Variants in ZNF829 observed in about 807,000 individuals in gnomAD.
The protein encoded by ZNF829 is zinc finger protein 829.
ZNF829 carries 25 observed loss-of-function variants against 35.2 expected under a neutral mutation model. The ratio of observed to expected loss-of-function variants is 0.71; its 90% confidence interval spans 0.52 to 0.99. The LOEUF (loss-of-function observed/expected upper bound fraction) is 0.99, where lower values mean the gene tolerates loss of function less well. ZNF829 is among the 50% of genes least tolerant of loss of function. The pLI, the probability that ZNF829 is intolerant of heterozygous loss-of-function variation, is 0.00. For synonymous variants in ZNF829, 136 were observed against 163.2 expected, an observed-to-expected ratio of 0.83 and a Z score of 1.27; for missense variants, 417 against 515.3, an observed-to-expected ratio of 0.81 and a Z score of 1.85.
chr19:36,891,831 A>G lies in ZNF829; in HGVS notation c.960T>C (p.Gly320=), dbSNP rs1961331480. Residue 320 remains glycine, a synonymous_variant, in exon 6 of 6, where the codon GGT becomes GGC. Transcript: ENST00000391711. ...RLIQHQRMHT[G]EKPYECKQCG... is the part of the protein sequence containing the mutation. ...ACTGCTTACATTCATAAGGTTTCTCACCAGTATGCATTCTCTGATGCTGAA... is the reference window on the plus strand; with the variant it reads ...ACTGCTTACATTCATAAGGTTTCTCGCCAGTATGCATTCTCTGATGCTGAA... 6.2e-7 allele frequency: 1 copy of G among 1,614,130 alleles called. No homozygotes were observed. The highest frequency in any genetic ancestry group is 8.5e-7 in the Non-Finnish European group (1 of 1,180,002).
intron 5 of ZNF829, chr19:36,902,083 C>A (rs1568369959): frequency 6.2e-5 from 25 of 405,880 alleles, no homozygotes; most frequent in Non-Finnish European, 8.7e-5. Flanking sequence ...TTACCACTTT[C>A]AAAAATCTAC....
Position 36,908,463 on chromosome 19 carries a change from A to T in ZNF829, c.97-4T>A. 1.9e-6 allele frequency: 3 copies of T among 1,590,880 alleles called. No homozygotes were observed. The highest frequency in any genetic ancestry group is 1.7e-4 in the Middle Eastern group (1 of 5,926). ...CATCCCTGAACATCACCGGCCCCTGAAACAACAAACATGCTTTCACAATGA... is the reference window on the plus strand; with the variant it reads ...CATCCCTGAACATCACCGGCCCCTGTAACAACAAACATGCTTTCACAATGA... On this transcript the variant is annotated splice_region_variant and splice_polypyrimidine_tract_variant and intron_variant, in intron 3 of 5. Coordinates refer to ENST00000391711, the MANE Select transcript of ZNF829 (RefSeq NM_001037232.4).
intron 5 of ZNF829, among the ~76,000 whole-genome samples, chr19:36,902,311 T>C (rs1477969848): frequency 2.0e-5 from 3 of 152,188 alleles, no homozygotes; most frequent in African/African-American, 7.2e-5. Flanking sequence ...TTCCTCCTGA[T>C]TTTATCAGTG....
At chr19:36,905,584 C>G (rs982124636) in intron 5 of ZNF829, 2 of 151,984 alleles carry the variant, frequency 1.3e-5, no homozygotes, top group African/African-American at 4.8e-5. Flanking sequence ...ATTACAGGTG[C>G]CCGCCACCAC....
chr19:36,891,808 T>G lies in ZNF829; in HGVS notation c.983A>C (p.Gln328Pro), dbSNP rs1381052653. The change falls in exon 6 of 6, where the codon CAG becomes CCG. Residue 328 changes from glutamine (Q) to proline (P), a missense_variant. Physicochemically the swap from Gln to Pro is moderately conservative, Grantham distance 76. Coordinates refer to ENST00000391711, the MANE Select transcript of ZNF829 (RefSeq NM_001037232.4). The part of the protein sequence containing the change: ...HTGEKPYECK[Q>P]CGKAFNSAST... Reference sequence around the variant, plus strand: ...GGCACTATTAAAGGCCTTCCCACACTGCTTACATTCATAAGGTTTCTCACC... The same window carrying G: ...GGCACTATTAAAGGCCTTCCCACACGGCTTACATTCATAAGGTTTCTCACC... 7 of 1,614,208 alleles carry G rather than the reference T, an allele frequency of 4.3e-6. No homozygotes were observed. The highest frequency in any genetic ancestry group is 5.9e-6 in the Non-Finnish European group (7 of 1,180,034).
At chr19:36,911,991 A>G (rs186029066) in intron 3 of ZNF829, among the ~76,000 whole-genome samples, 21 of 151,416 alleles carry the variant, frequency 1.4e-4, no homozygotes, top group Admixed American at 5.3e-4. Context: ...AGTGTTGAAC[A>G]TCCATCAAGG....
At chr19:36,907,884 A>G (rs750340020) in intron 5 of ZNF829, 45 bp downstream of exon 5, 11 of 1,516,632 alleles carry the variant, frequency 7.3e-6, no homozygotes, top group Admixed American at 5.3e-5. Flanking sequence ...TCTCAGAAGT[A>G]TATCTCTTTA....
chr19:36,902,319 G>A (rs2073174600), intron 5 of ZNF829, among the ~76,000 whole-genome samples: 1 of 152,138 alleles, frequency 6.6e-6, no homozygotes, highest in Non-Finnish European at 1.5e-5. Context: ...GATTTTATCA[G>A]TGCAAAATGT....
intron 5 of ZNF829, among the ~76,000 whole-genome samples, chr19:36,900,846 A>AG (rs1392567872): frequency 7.6e-6 from 1 of 130,946 alleles, no homozygotes; most frequent in Non-Finnish European, 1.7e-5. Context: ...AGACTGTCTC[A>AG]GAAAAAAAAA....
rs966674991 is a variant in ZNF829, at chr19:36,889,323, G to A, written c.*2169C>T. ...TACTGGCTTTGTAGAATGAGTTAGG[G>A]AGGATTCCCTCCTATAATTTTTGGA... On this transcript the variant is annotated 3_prime_UTR_variant, in exon 6 of 6. Transcript: ENST00000391711. 2 of 152,148 alleles carry A rather than the reference G, an allele frequency of 1.3e-5. No homozygotes were observed. Among genetic ancestry groups the A allele is most frequent in the African/African-American group, 4.8e-5 (2 of 41,432 alleles). 9.4% of individuals were successfully genotyped at this position (152,148 alleles called of 1,614,324 possible). A position where few individuals can be genotyped will look rare whatever the true frequency, so the allele number is the denominator to read the frequency against.
At chr19:36,908,529 G>C (rs2073238125) in intron 3 of ZNF829, 70 bp from the exon 4 acceptor site, 2 of 1,522,860 alleles carry the variant, frequency 1.3e-6, no homozygotes, top group African/African-American at 1.4e-5. Context: ...TGGCAAGAAA[G>C]GACAGAGTAA....
chr19:36,909,819 A>G (rs895372141), intron 3 of ZNF829, among the ~76,000 whole-genome samples: 3 of 147,552 alleles, frequency 2.0e-5, no homozygotes, highest in South Asian at 2.2e-4. Context: ...AAAAAAAAAA[A>G]AGAAAGAAAG....
At position 36,892,452 on chromosome 19, in the gene ZNF829, C is replaced by A; in HGVS notation, c.339G>T (p.Glu113Asp). 6.3e-7 allele frequency: 1 copy of A among 1,591,636 alleles called. No homozygotes were observed. The highest frequency in any genetic ancestry group is 8.5e-7 in the Non-Finnish European group (1 of 1,173,872). ...GLCSDLESMC[E>D]TKILSLKKRH... The stretch of plus-strand genomic sequence containing the variant: ...TCTTCTTTAGAGATAATATTTTGGT[C>A]TCACACATTGATTCCAGATCTGAAA... The change falls in exon 6 of 6, where the codon GAG becomes GAT. Residue 113 changes from glutamate to aspartate, a missense_variant. Physicochemically the swap from Glu to Asp is conservative, Grantham distance 45. Coordinates refer to ENST00000391711, the MANE Select transcript of ZNF829 (RefSeq NM_001037232.4).
chr19:36,895,354 A>C (rs113881761), intron 5 of ZNF829, among the ~76,000 whole-genome samples: 2 of 152,216 alleles, frequency 1.3e-5, no homozygotes, highest in Non-Finnish European at 2.9e-5. Flanking sequence ...TAAACAAATG[A>C]AAATAAGAAG....
chr19:36,899,629 G>A (rs1276833053), intron 5 of ZNF829, among the ~76,000 whole-genome samples: 2 of 151,026 alleles, frequency 1.3e-5, no homozygotes, highest in Non-Finnish European at 2.9e-5. Flanking sequence ...TGTATAATTT[G>A]TATCGATAAA....
intron 5 of ZNF829, chr19:36,893,015 T>C (rs2073076014): frequency 2.5e-6 from 1 of 406,500 alleles, no homozygotes; most frequent in Non-Finnish European, 4.3e-6. Flanking sequence ...TACACGTTCA[T>C]AAACATATGC....
intron 4 of ZNF829, 144 bp from the exon 5 acceptor site, chr19:36,908,168 T>C (rs1056265989): frequency 3.1e-5 from 37 of 1,198,386 alleles, no homozygotes; most frequent in Non-Finnish European, 3.5e-5. Flanking sequence ...CCACAGCCCA[T>C]TGGAGCTGCC....
intron 5 of ZNF829, chr19:36,892,892 G>C (rs1016583571): frequency 1.8e-5 from 21 of 1,158,264 alleles, no homozygotes; most frequent in Non-Finnish European, 2.1e-5. Context: ...CGACTGCAAG[G>C]CCATCAGCAT....
In ZNF829 at chr19:36,893,136, G is replaced by C. The variant is rs1483318990; in HGVS notation, c.320-665C>G. On this transcript the variant is annotated intron_variant, in intron 5 of 5. Transcript: ENST00000391711. ...ATGTGTTGAAAGGTTTAAATGTCGG[G>C]GGCGGGTGGAGTTCAGTGACTGTGC... 4 of 396,088 alleles carry C rather than the reference G, an allele frequency of 1.0e-5. No individual in the cohort carries two copies. The Admixed American group carries it at 1.8e-4, about 18-fold the overall frequency. 24.5% of individuals were successfully genotyped at this position (396,088 alleles called of 1,614,324 possible).
Sources: gnomAD v4.1 joint callset for allele counts (sites outside exome capture counted in the v4.1 genomes callset) on GRCh38, gnomAD v4.1.1 for gene constraint, MANE v1.5 for transcripts, NCBI Gene and HGNC (gene_info 2026-07-23, HGNC 2026-07-21) for gene names.